Variants in LARP4B observed in about 807,000 individuals in gnomAD.
The protein encoded by LARP4B is la-related protein 4B.
Under a neutral mutation model 89.8 loss-of-function variants are expected in LARP4B, and 12 were observed. The observed-to-expected ratio is 0.13, with a 90% CI of 0.09 to 0.22. The LOEUF (loss-of-function observed/expected upper bound fraction) is 0.22, where lower values mean the gene tolerates loss of function less well. Among genes scored for constraint, LARP4B ranks in the 10% least tolerant of loss-of-function variants. The pLI, the probability that LARP4B is intolerant of heterozygous loss-of-function variation, is 1.00. For missense variants in LARP4B, 757 were observed against 947.7 expected (o/e 0.80, Z 2.64); for synonymous variants, 367 against 363.3 (o/e 1.01, Z -0.12).
chr10:902,865 A>C (rs112387426), intron 1 of LARP4B, among the ~76,000 whole-genome samples: 2 of 152,206 alleles, frequency 1.3e-5, no homozygotes, highest in African/African-American at 4.8e-5. Context: ...GGCTGGTCTC[A>C]ACCTGACCTC....
chr10:974,601 C>G, the LARP4B span, among the ~76,000 whole-genome samples: 1 of 152,214 alleles, frequency 6.6e-6, no homozygotes, highest in Non-Finnish European at 1.5e-5. Context: ...ACACTGTCAT[C>G]TGGAAAGCAC....
rs1437132090 is a variant in LARP4B, at chr10:842,984, G to C, written c.594C>G (p.Asp198Glu). 1.2e-6 allele frequency: 2 copies of C among 1,614,018 alleles called. No homozygotes were observed. Among genetic ancestry groups the C allele is most frequent in the East Asian group, 2.2e-5 (1 of 44,900 alleles). ...YVPITTVANL[D>E]HIKKLSTDVD... Reference sequence around the variant, plus strand: ...CATCAGTGCTGAGCTTCTTGATGTGGTCGAGGTTAGCCACCGTTGTGATTG... The same window carrying C: ...CATCAGTGCTGAGCTTCTTGATGTGCTCGAGGTTAGCCACCGTTGTGATTG... Residue 198 changes from aspartate to glutamate, a missense_variant, in exon 7 of 18, where the codon GAC (aspartate) becomes GAG (glutamate). Physicochemically the swap from Asp to Glu is conservative, Grantham distance 45 (BLOSUM62 2). Transcript: ENST00000316157.
At chr10:923,948 C>A (rs961452409) in intron 1 of LARP4B, among the ~76,000 whole-genome samples, 4 of 152,168 alleles carry the variant, frequency 2.6e-5, no homozygotes, top group Admixed American at 1.3e-4. Context: ...ATTTTATAAA[C>A]AAATTTTAAA....
intron 15 of LARP4B, among the ~76,000 whole-genome samples, 188 bp downstream of exon 15, chr10:817,534 AAGG>A (rs1392883984): frequency 1.3e-5 from 2 of 152,180 alleles, no homozygotes; most frequent in Non-Finnish European, 2.9e-5. Flanking sequence ...CAGCAATGTT[AAGG>A]AGAAGGCCCA....
At chr10:908,670 A>G (rs1279358656) in intron 1 of LARP4B, among the ~76,000 whole-genome samples, 1 of 152,264 alleles carries the variant, frequency 6.6e-6, no homozygotes, top group Non-Finnish European at 1.5e-5. Flanking sequence ...CAGCGGTCAC[A>G]GAATTCTTCT....
chr10:983,563 G>A, the LARP4B span, among the ~76,000 whole-genome samples: 2 of 152,126 alleles, frequency 1.3e-5, no homozygotes, highest in Non-Finnish European at 2.9e-5. Context: ...TGCTCACATG[G>A]TCTCTCCTTG....
At chr10:884,528 C>T in intron 2 of LARP4B, 22 bp from the exon 3 acceptor site, 2 of 1,503,096 alleles carry the variant, frequency 1.3e-6, no homozygotes, top group South Asian at 2.3e-5. Flanking sequence ...AAAACAAAGA[C>T]AACATCAGTA....
At chr10:848,763 C>T (rs1012178965) in intron 5 of LARP4B, among the ~76,000 whole-genome samples, 1 of 152,032 alleles carries the variant, frequency 6.6e-6, no homozygotes, top group Non-Finnish European at 1.5e-5. Context: ...CGGACAACAT[C>T]GAGCAGCTGA....
At position 825,154 on chromosome 10, in the gene LARP4B, T is replaced by C. The variant is rs1184032694; in HGVS notation, c.1395A>G (p.Gln465=). 3 of 1,614,236 alleles carry C rather than the reference T, an allele frequency of 1.9e-6. No homozygotes were observed. The highest frequency in any genetic ancestry group is 2.5e-6 in the Non-Finnish European group (3 of 1,180,048). The change falls in exon 13 of 18, where the codon CAA becomes CAG. Residue 465 remains glutamine, a synonymous_variant. Transcript: ENST00000316157. ...RQAGQTRTRI[Q]NPSAYAKREA... Reference sequence around the variant, plus strand: ...CTCTCTTGGCATATGCTGAAGGGTTTTGAATCCGTGTTCTAGTTTGACCTG... The same window carrying C: ...CTCTCTTGGCATATGCTGAAGGGTTCTGAATCCGTGTTCTAGTTTGACCTG...
intron 3 of LARP4B, among the ~76,000 whole-genome samples, chr10:872,293 T>C (rs1588948485): frequency 6.6e-6 from 1 of 152,228 alleles, no homozygotes; most frequent in African/African-American, 2.4e-5. Flanking sequence ...TCCTTTCACC[T>C]GGACCCAGCG....
intron 5 of LARP4B, among the ~76,000 whole-genome samples, chr10:861,724 T>C (rs1189986956): frequency 6.6e-6 from 1 of 152,208 alleles, no homozygotes; most frequent in African/African-American, 2.4e-5. Flanking sequence ...ACATTACCCA[T>C]CTTCCATCCT....
rs773263179 is a variant in LARP4B at position 885,647 on chromosome 10, A to G, written c.75T>C (p.Ala25=). The stretch of plus-strand genomic sequence containing the variant: ...CCCATTCGACAGCACCCACCAGATG[A>G]GCGCTGTCCTTGCCCTCCTGGACTC... ...TQRVQEGKDS[A]HLMNGPISQT... Residue 25 remains alanine (A), a synonymous_variant, in exon 2 of 18, where the codon GCT becomes GCC. Coordinates refer to ENST00000316157, the MANE Select transcript of LARP4B (RefSeq NM_015155.3). The G allele has an allele frequency of 6.2e-7, 1 of 1,613,318 alleles. No homozygotes were observed. Among genetic ancestry groups the G allele is most frequent in the Non-Finnish European group, 8.5e-7 (1 of 1,179,384 alleles).
At chr10:913,191 A>C (rs1227782099) in intron 1 of LARP4B, among the ~76,000 whole-genome samples, 2 of 152,164 alleles carry the variant, frequency 1.3e-5, no homozygotes, top group Non-Finnish European at 2.9e-5. Context: ...TGAATTGTTT[A>C]GGGGAGTGGA....
chr10:902,143 A>G (rs1005630693), intron 1 of LARP4B, among the ~76,000 whole-genome samples: 6 of 152,226 alleles, frequency 3.9e-5, no homozygotes, highest in African/African-American at 7.2e-5. Flanking sequence ...AACATAATAC[A>G]AAACAACCAC....
Position 854,891 on chromosome 10 carries a change from C to T in LARP4B, c.430+8852G>A, listed in dbSNP as rs575492875. Among the ~76,000 whole-genome samples the T allele has an allele frequency of 4.6e-5, 7 of 152,306 alleles. No individual in the cohort carries two copies. The South Asian group carries it at 1.2e-3, about 27-fold the overall frequency. ...CTTCTAATATAAGGCTATTTTGTCTCGATTGAAAATCTGTCATTTACTGTA... is the reference window on the plus strand; with the variant it reads ...CTTCTAATATAAGGCTATTTTGTCTTGATTGAAAATCTGTCATTTACTGTA... On this transcript the variant is annotated intron_variant, in intron 5 of 17. Coordinates refer to ENST00000316157, the MANE Select transcript of LARP4B (RefSeq NM_015155.3).
chr10:972,646 G>A, the LARP4B span: 1 of 457,224 alleles, frequency 2.2e-6, no homozygotes, highest in Non-Finnish European at 4.4e-6. Context: ...CCATTTCTAT[G>A]TAAGCCGTTT....
rs1257241869 is a variant in LARP4B at position 822,106 on chromosome 10, A to G, written c.1485-1261T>C. ...TAGGGGGTGCTCCCAAAACCCAGGG[A>G]GCTGAACTCCTACTCCGCTGCGCCA... On this transcript the variant is annotated intron_variant, in intron 13 of 17. Transcript: ENST00000316157. This position sits in a 1 kb window ranked among gnomAD's most constrained non-coding sequence, Gnocchi z 4.6. 6.6e-6 allele frequency among the ~76,000 whole-genome samples: 1 copy of G among 152,192 alleles called. No individual in the cohort carries two copies. The highest frequency in any genetic ancestry group is 1.5e-5 in the Non-Finnish European group (1 of 68,036).
chr10:970,441 G>A, the LARP4B span, among the ~76,000 whole-genome samples: 1 of 152,152 alleles, frequency 6.6e-6, no homozygotes, highest in South Asian at 2.1e-4. Context: ...CCCAAATCTG[G>A]GGTTCTGTCA....
chr10:845,090 G>A (rs1833708082), intron 5 of LARP4B, 35 bp from the exon 6 acceptor site: 2 of 1,530,872 alleles, frequency 1.3e-6, no homozygotes, highest in Non-Finnish European at 1.8e-6. Flanking sequence ...AGGAAAACCG[G>A]CTTAAAATTT....
Sources: allele counts gnomAD v4.1 joint callset (sites outside exome capture counted in the v4.1 genomes callset), GRCh38; gene constraint gnomAD v4.1.1; non-coding constraint Gnocchi (gnomAD v3.1); transcripts MANE v1.5; gene names NCBI Gene and HGNC (gene_info 2026-07-23, HGNC 2026-07-21).